Variants in RRP12 observed in about 807,000 individuals in gnomAD.
RRP12 encodes the protein ribosomal RNA processing 12 homolog, also known as RRP12-like protein.
In RRP12, 78 loss-of-function variants were observed where a neutral mutation model predicts 157.3. The ratio of observed to expected loss-of-function variants is 0.50; its 90% confidence interval spans 0.41 to 0.60. RRP12 has a LOEUF of 0.60. Among genes scored for constraint, RRP12 ranks in the 20% least tolerant of loss-of-function variants. RRP12 has a pLI of 0.00. For missense variants in RRP12, 1,521 were observed against 1,679.9 expected, an observed-to-expected ratio of 0.91 and a Z score of 1.65; for synonymous variants, 726 against 670.9, an observed-to-expected ratio of 1.08 and a Z score of -1.27.
At chr10:97,374,004 T>G (rs952931161) in intron 15 of RRP12, 110 bp from the exon 16 acceptor site, 2 of 799,938 alleles carry the variant, frequency 2.5e-6, no homozygotes, top group African/African-American at 1.7e-5. Flanking sequence ...TATGGGTGAC[T>G]TCCCCCCATC....
At chr10:97,377,304 G>A (rs1478783922) in intron 15 of RRP12, among the ~76,000 whole-genome samples, 4 of 151,050 alleles carry the variant, frequency 2.6e-5, no homozygotes, top group African/African-American at 9.7e-5. Context: ...ATTTTCTGAG[G>A]TCAGGTGTTT....
At chr10:97,397,526 G>A (rs758425890) in intron 2 of RRP12, among the ~76,000 whole-genome samples, 5 of 151,944 alleles carry the variant, frequency 3.3e-5, no homozygotes, top group Non-Finnish European at 5.9e-5. Flanking sequence ...TGCAGAACCC[G>A]CAAATATAGA....
Position 97,373,555 on chromosome 10 carries a change from C to T in RRP12, c.2026+20G>A, listed in dbSNP as rs909267833. On this transcript the variant is annotated intron_variant, in intron 17 of 33. Coordinates refer to ENST00000370992, the MANE Select transcript of RRP12 (RefSeq NM_015179.4). ...CCTGTGTCATCCTCCCCAGCCCCCACTCCCACAGCCCACACGTACCTGCCT... is the reference window on the plus strand; with the variant it reads ...CCTGTGTCATCCTCCCCAGCCCCCATTCCCACAGCCCACACGTACCTGCCT... The T allele has an allele frequency of 5.1e-6, 8 of 1,574,940 alleles. No individual in the cohort carries two copies. The highest frequency in any genetic ancestry group is 1.3e-5 in the African/African-American group (1 of 74,276).
chr10:97,371,068 C>A lies in RRP12; in HGVS notation c.2357G>T (p.Gly786Val). Residue 786 changes from glycine (G) to valine (V), a missense_variant, in exon 21 of 34, where the codon GGG becomes GTG. Physicochemically the swap from Gly to Val is moderately radical, Grantham distance 109. Coordinates refer to ENST00000370992, the MANE Select transcript of RRP12 (RefSeq NM_015179.4). Reference protein sequence around the residue: ...IRPYLESKAHGVQKKAYRVLE... With the variant: ...IRPYLESKAHVVQKKAYRVLE... ...CACTCGGTAGGCCTTCTTCTGCACC[C>A]CGTGGGCCTTGCTCTGGCAGACAGG... The A allele has an allele frequency of 6.2e-7, 1 of 1,613,562 alleles. No homozygotes were observed. The highest frequency in any genetic ancestry group is 8.5e-7 in the Non-Finnish European group (1 of 1,179,882).
Position 97,388,626 on chromosome 10 carries a change from T to G in RRP12, c.754-2A>C, listed in dbSNP as rs769901775. 6.2e-7 allele frequency: 1 copy of G among 1,613,764 alleles called. No homozygotes were observed. Among genetic ancestry groups the G allele is most frequent in the South Asian group, 1.1e-5 (1 of 91,066 alleles). ...TCCATGCTGGGCAGCCTTCCGGATC[T>G]GAGGGGCAAGGAGAGCAGGAGACAA... On this transcript the variant is annotated splice_acceptor_variant, in intron 6 of 33. Coordinates refer to ENST00000370992, the MANE Select transcript of RRP12 (RefSeq NM_015179.4). LOFTEE classifies it high-confidence loss of function.
rs901495848 is a variant in RRP12 at position 97,390,654 on chromosome 10, A to G, written c.636+85T>C. 18 of 1,361,588 alleles carry G rather than the reference A, an allele frequency of 1.3e-5. No individual in the cohort carries two copies. The Admixed American group carries it at 2.7e-4, about 20-fold the overall frequency. The allele number at this position is 1,361,588 out of a possible 1,614,324, so 84.3% of individuals were successfully genotyped here. A position where few individuals can be genotyped will look rare whatever the true frequency, so the allele number is the denominator to read the frequency against. ...TGTCTGAGGTCCCCAGGGTGCCTAA[A>G]CCCCTCTCAGGGAACATCTAAGCAT... On this transcript the variant is annotated intron_variant, in intron 5 of 33. Coordinates refer to ENST00000370992, the MANE Select transcript of RRP12 (RefSeq NM_015179.4).
intron 4 of RRP12, among the ~76,000 whole-genome samples, chr10:97,392,856 A>G (rs1017025333): frequency 1.1e-4 from 16 of 150,336 alleles, no homozygotes; most frequent in African/African-American, 3.7e-4. Flanking sequence ...ATGCCCAGCT[A>G]ATTTTTGTGT....
intron 20 of RRP12, 63 bp from the exon 21 acceptor site, chr10:97,371,144 A>G: frequency 6.5e-7 from 1 of 1,534,078 alleles, no homozygotes; most frequent in Non-Finnish European, 8.9e-7. Context: ...CTATCCACGG[A>G]GCATCCCCCA....
intron 30 of RRP12, among the ~76,000 whole-genome samples, 182 bp downstream of exon 30, chr10:97,363,672 C>T (rs1843899278): frequency 6.6e-6 from 1 of 152,188 alleles, no homozygotes; most frequent in Admixed American, 6.5e-5. Context: ...ACTAGACAAC[C>T]ATCACCCTGT....
At chr10:97,383,414 C>T (rs1844524219) in intron 10 of RRP12, among the ~76,000 whole-genome samples, 2 of 152,210 alleles carry the variant, frequency 1.3e-5, no homozygotes, top group Non-Finnish European at 2.9e-5. Flanking sequence ...GGGCTAAACC[C>T]TTCCTCATGG....
chr10:97,389,315 G>A (rs968954868), intron 6 of RRP12, among the ~76,000 whole-genome samples: 5 of 152,046 alleles, frequency 3.3e-5, no homozygotes, highest in Admixed American at 6.6e-5. Context: ...GGATGGTCTC[G>A]ATCTCCTGAC....
Position 97,370,917 on chromosome 10 carries a change from C to A in RRP12, c.2502+6G>T. ...TCGGCAGAGCGGGTGGCCCTAGAGC[C>A]CTCACCCTCTTGGCGGGTGAGGAGG... On this transcript the variant is annotated splice_donor_region_variant and intron_variant, in intron 21 of 33. Transcript: ENST00000370992. 1.2e-6 allele frequency: 2 copies of A among 1,614,038 alleles called. No homozygotes were observed. Among genetic ancestry groups the A allele is most frequent in the Non-Finnish European group, 1.7e-6 (2 of 1,179,952 alleles).
Position 97,401,102 on chromosome 10 carries a change from G to A in RRP12, c.130C>T (p.Arg44Trp), listed in dbSNP as rs145529376. 6.2e-7 allele frequency: 1 copy of A among 1,613,498 alleles called. No homozygotes were observed. The highest frequency in any genetic ancestry group is 1.3e-5 in the African/African-American group (1 of 75,044). The change falls in exon 1 of 34, where the codon CGG becomes TGG. Residue 44 changes from arginine to tryptophan, a missense_variant. Coordinates refer to ENST00000370992, the MANE Select transcript of RRP12 (RefSeq NM_015179.4). ...RQAARSRFFSRPSGRSDLTVD... is the reference protein window; with the variant it reads ...RQAARSRFFSWPSGRSDLTVD... ...GTCTCAACCCAGCTACCTGACGGCC[G>A]GCTGAAGAAGCGGCTGCGGGCGGCC...
intron 6 of RRP12, among the ~76,000 whole-genome samples, chr10:97,390,171 G>A (rs1390939401): frequency 6.6e-6 from 1 of 152,210 alleles, no homozygotes; most frequent in Non-Finnish European, 1.5e-5. Context: ...CATATGGGGA[G>A]AGTCCACGTC....
At chr10:97,394,471 C>T (rs1402796412) in intron 3 of RRP12, among the ~76,000 whole-genome samples, 1 of 152,146 alleles carries the variant, frequency 6.6e-6, no homozygotes, top group East Asian at 1.9e-4. Flanking sequence ...CTCACTGTAA[C>T]CTTGAACTTC....
In RRP12 at chr10:97,385,928, G is replaced by C. The variant is rs572432332; in HGVS notation, c.1083C>G (p.Thr361=). Residue 361 remains threonine (T), a synonymous_variant, in exon 9 of 34, where the codon ACC becomes ACG. Coordinates refer to ENST00000370992, the MANE Select transcript of RRP12 (RefSeq NM_015179.4). ...TCTGGGCGTTGAGCTCTGCTGACAG[G>C]GTGCTCAGGCCAGGCCTGGCGTGGA... ...SLFHARPGLS[T]LSAELNAQII... is the part of the protein sequence containing the mutation. 1.2e-5 allele frequency: 20 copies of C among 1,607,460 alleles called. 1 individual carries two copies. Among genetic ancestry groups the C allele is most frequent in the Non-Finnish European group, 8.5e-6 (10 of 1,177,116 alleles).
chr10:97,399,860 G>GT (rs1479225633), intron 2 of RRP12, among the ~76,000 whole-genome samples: 1 of 152,124 alleles, frequency 6.6e-6, no homozygotes, highest in East Asian at 1.9e-4. Flanking sequence ...GGAGGTTGCA[G>GT]TGAGTGAAGA....
chr10:97,364,082 C>T (rs1190648714), intron 29 of RRP12, among the ~76,000 whole-genome samples, 179 bp from the exon 30 acceptor site: 1 of 152,166 alleles, frequency 6.6e-6, no homozygotes, highest in Non-Finnish European at 1.5e-5. Context: ...GAGCACTGCC[C>T]CTTTCTCCTT....
intron 17 of RRP12, 114 bp downstream of exon 17, chr10:97,373,461 G>A: frequency 8.2e-7 from 1 of 1,222,210 alleles, no homozygotes; most frequent in African/African-American, 1.5e-5. Context: ...CAAAGGATGA[G>A]CTCCAGAGGT....
Sources: gnomAD v4.1 joint callset for allele counts (sites outside exome capture counted in the v4.1 genomes callset) on GRCh38, gnomAD v4.1.1 for gene constraint, MANE v1.5 for transcripts, NCBI Gene and HGNC (gene_info 2026-07-23, HGNC 2026-07-21) for gene names.